PABIR3: variants seen among roughly 807,000 people sequenced by gnomAD.
PABIR3 encodes PABIR family member 3.
A neutral mutation model predicts 23.1 loss-of-function variants in PABIR3; 20 were observed. The observed-to-expected ratio is 0.86, with a 90% CI of 0.61 to 1.26. PABIR3 has a LOEUF of 1.26. Ranked by LOEUF, PABIR3 falls within the 50% of genes most tolerant of loss-of-function variation. PABIR3 has a pLI of 0.00. For synonymous variants in PABIR3, 69 were observed against 68.5 expected (o/e 1.01, Z -0.04); for missense variants, 189 against 195.4 (o/e 0.97, Z 0.20).
chrX:134,843,357 A>G (rs868800292), intron 4 of PABIR3, among the ~76,000 whole-genome samples: 2 of 109,161 alleles, frequency 1.8e-5, no homozygotes, highest in African/African-American at 6.7e-5. Flanking sequence ...TTAGAGTTTT[A>G]TCTTTTAAGT....
At chrX:134,826,506 T>G (rs924277922) in intron 3 of PABIR3, among the ~76,000 whole-genome samples, 1 of 111,576 alleles carries the variant, frequency 9.0e-6, no homozygotes, top group African/African-American at 3.3e-5. Flanking sequence ...GAGTAATAAC[T>G]GAGGGTAATA....
chrX:134,845,947 C>G lies in PABIR3; in HGVS notation c.345+546C>G, dbSNP rs368679249. On this transcript the variant is annotated intron_variant, in intron 6 of 10. Transcript: ENST00000645433. Reference sequence around the variant, plus strand: ...AGTCTTAAACCACAGACAATAGACTCTCTAGAAAATTATTGCATTTTTATG... The same window carrying G: ...AGTCTTAAACCACAGACAATAGACTGTCTAGAAAATTATTGCATTTTTATG... Among the ~76,000 whole-genome samples the G allele has an allele frequency of 1.5e-4, 17 of 111,879 alleles. No homozygotes were observed. In the East Asian group the frequency reaches 4.7e-3, roughly 31 times the overall value.
Position 134,847,967 on chromosome X carries a change from A to G in PABIR3, c.523A>G (p.Ile175Val), listed in dbSNP as rs2082490374. Residue 175 changes from isoleucine to valine, a missense_variant, in exon 8 of 11, where the codon ATC becomes GTC. Transcript: ENST00000645433. ...SPIPSPMQQY[I>V]IRSQNPTNII... ...TATTCCCAGTCCTATGCAACAATAC[A>G]TCATGTAAGTTTATGTTATATGAAA... 1.8e-6 allele frequency: 2 copies of G among 1,142,480 alleles called. No homozygotes were observed. The highest frequency in any genetic ancestry group is 2.3e-6 in the Non-Finnish European group (2 of 860,951). The allele number at this position is 1,142,480 out of a possible 1,213,427, so 94.2% of individuals were successfully genotyped here. A position where few individuals can be genotyped will look rare whatever the true frequency, so the allele number is the denominator to read the frequency against.
At chrX:134,825,493 A>G (rs1208913016) in intron 3 of PABIR3, among the ~76,000 whole-genome samples, 1 of 112,168 alleles carries the variant, frequency 8.9e-6, no homozygotes, top group African/African-American at 3.2e-5. Flanking sequence ...TATCCAATGT[A>G]TCCCTTTAAT....
chrX:134,822,052 T>A lies in PABIR3; in HGVS notation c.190-7174T>A, dbSNP rs1029227790. ...TGGAGATAATTCTTAGTAATTAGCT[T>A]CACCCAGCACCCTCCCTAACCTCCC... On this transcript the variant is annotated intron_variant, in intron 3 of 10. Transcript: ENST00000645433. 5.3e-6 allele frequency: 4 copies of A among 754,237 alleles called. 1 individual carries two copies. The Admixed American group carries it at 3.4e-4, about 65-fold the overall frequency. The allele number at this position is 754,237 out of a possible 1,213,427, so 62.2% of individuals were successfully genotyped here.
At chrX:134,853,846 C>A (rs2082717501) in intron 10 of PABIR3, among the ~76,000 whole-genome samples, 1 of 111,117 alleles carries the variant, frequency 9.0e-6, no homozygotes, top group African/African-American at 3.3e-5. Flanking sequence ...TCTTGAACTC[C>A]TGACCTCGTG....
chrX:134,822,633 T>C (rs771330999), intron 3 of PABIR3: 1 of 748,320 alleles, frequency 1.3e-6, no homozygotes, highest in African/African-American at 2.3e-5. Context: ...AAATTAAAAA[T>C]AATCTCTTCT....
chrX:134,797,224 C>T (rs1305245086), intron 1 of PABIR3: 1 of 113,861 alleles, frequency 8.8e-6, no homozygotes, highest in Non-Finnish European at 1.9e-5. Context: ...GTCCAGCGGC[C>T]ACTCCAATGG....
chrX:134,845,827 TA>T (rs1275865214), intron 6 of PABIR3, among the ~76,000 whole-genome samples: 13 of 112,405 alleles, frequency 1.2e-4, no homozygotes, highest in African/African-American at 4.2e-4. Context: ...CTAGTAGGCA[TA>T]ATAAAAGTTC....
intron 9 of PABIR3, among the ~76,000 whole-genome samples, chrX:134,852,332 G>A (rs961908685): frequency 9.0e-6 from 1 of 110,873 alleles, no homozygotes; most frequent in African/African-American, 3.3e-5. Context: ...AAAAATAGCT[G>A]GGCATGGTGG....
chrX:134,854,216 A>G lies in PABIR3; in HGVS notation c.812A>G (p.Ter271TrpextTer1). ...TCTGATACTGGTTCTCATTTGTTCTAGTAGACAAACTTTCAACTAAATGAT... is the reference window on the plus strand; with the variant it reads ...TCTGATACTGGTTCTCATTTGTTCTGGTAGACAAACTTTCAACTAAATGAT... ...SPSDTGSHLF* is the reference protein window; with the variant it reads ...SPSDTGSHLFW Residue 271 changes from the stop codon to tryptophan, a stop_lost, in exon 11 of 11, where the codon TAG becomes TGG. Coordinates refer to ENST00000645433, the MANE Select transcript of PABIR3 (RefSeq NM_001388447.1). The G allele has an allele frequency of 1.7e-6, 2 of 1,206,983 alleles. No individual in the cohort carries two copies. The highest frequency in any genetic ancestry group is 2.2e-6 in the Non-Finnish European group (2 of 893,258).
intron 1 of PABIR3, among the ~76,000 whole-genome samples, chrX:134,801,455 C>T (rs1023008908): frequency 1.8e-5 from 2 of 112,391 alleles, no homozygotes; most frequent in African/African-American, 6.5e-5. Flanking sequence ...GCAGAAAGCC[C>T]CCATTCAGCT....
At chrX:134,825,572 A>G (rs1458424682) in intron 3 of PABIR3, among the ~76,000 whole-genome samples, 1 of 112,054 alleles carries the variant, frequency 8.9e-6, no homozygotes, top group Non-Finnish European at 1.9e-5. Flanking sequence ...ATTGATTTGA[A>G]TTACAAATTT....
At position 134,847,981 on chromosome X, in the gene PABIR3, T is replaced by C. The variant is rs995478295; in HGVS notation, c.527+10T>C. 1 of 1,118,774 alleles carries C rather than the reference T, an allele frequency of 8.9e-7. No individual in the cohort carries two copies. Among genetic ancestry groups the C allele is most frequent in the Non-Finnish European group, 1.2e-6 (1 of 840,137 alleles). 92.2% of individuals were successfully genotyped at this position (1,118,774 alleles called of 1,213,427 possible). A position where few individuals can be genotyped will look rare whatever the true frequency, so the allele number is the denominator to read the frequency against. On this transcript the variant is annotated intron_variant, in intron 8 of 10. Coordinates refer to ENST00000645433, the MANE Select transcript of PABIR3 (RefSeq NM_001388447.1). ...TGCAACAATACATCATGTAAGTTTA[T>C]GTTATATGAAAATACCAAATTGCTT...
At chrX:134,844,818 TA>T (rs1300484438) in intron 4 of PABIR3, among the ~76,000 whole-genome samples, 4 of 112,466 alleles carry the variant, frequency 3.6e-5, no homozygotes, top group Non-Finnish European at 7.5e-5. Context: ...GAGTAATTTT[TA>T]TTAATATCAT....
intron 3 of PABIR3, among the ~76,000 whole-genome samples, chrX:134,817,196 C>G (rs1346720140): frequency 9.1e-6 from 1 of 109,361 alleles, no homozygotes; most frequent in Non-Finnish European, 1.9e-5. Flanking sequence ...CAAACAAAAA[C>G]AAAAAAAAAT....
intron 2 of PABIR3, among the ~76,000 whole-genome samples, chrX:134,808,903 C>T (rs1361059621): frequency 8.9e-6 from 1 of 111,861 alleles, no homozygotes; most frequent in Non-Finnish European, 1.9e-5. Context: ...GTGATACTTC[C>T]CCCAAGGGGA....
At chrX:134,808,378 T>C (rs940195381) in intron 2 of PABIR3, among the ~76,000 whole-genome samples, 3 of 108,682 alleles carry the variant, frequency 2.8e-5, no homozygotes, top group African/African-American at 1.0e-4. Context: ...TTATTTTTTA[T>C]TTATTTGTTT....
intron 4 of PABIR3, among the ~76,000 whole-genome samples, chrX:134,842,793 G>A (rs1286133783): frequency 2.7e-5 from 3 of 110,471 alleles, no homozygotes; most frequent in Non-Finnish European, 5.7e-5. Context: ...AGCTGCTCAG[G>A]AGGCTGAGGC....
Sources: allele counts gnomAD v4.1 joint callset (sites outside exome capture counted in the v4.1 genomes callset), GRCh38; gene constraint gnomAD v4.1.1; transcripts MANE v1.5; gene names NCBI Gene and HGNC (gene_info 2026-07-23, HGNC 2026-07-21).